Variants in COPZ1 observed in about 807,000 individuals in gnomAD.
COPZ1 encodes the protein coat protein complex I subunit zeta 1.
Under a neutral mutation model 31.7 loss-of-function variants are expected in COPZ1, and 4 were observed. The ratio of observed to expected loss-of-function variants is 0.13; its 90% confidence interval spans 0.06 to 0.29. The LOEUF is 0.29. Among genes scored for constraint, COPZ1 ranks in the 10% least tolerant of loss-of-function variants. COPZ1 has a pLI of 1.00. For synonymous variants in COPZ1, 74 were observed against 79.0 expected (o/e 0.94, Z 0.33); for missense variants, 156 against 211.5 (o/e 0.74, Z 1.63).
intron 1 of COPZ1, among the ~76,000 whole-genome samples, chr12:54,333,161 A>G (rs1252140570): frequency 1.3e-5 from 2 of 152,130 alleles, no homozygotes; most frequent in South Asian, 2.1e-4. Context: ...CTCATGCCTC[A>G]GCCTCCTGAA....
chr12:54,329,584 A>G (rs762876587), intron 1 of COPZ1, among the ~76,000 whole-genome samples: 4 of 152,134 alleles, frequency 2.6e-5, no homozygotes, highest in Non-Finnish European at 5.9e-5. Context: ...GTCTTAAAAA[A>G]CAAACAAAAC....
chr12:54,342,152 CA>C, intron 2 of COPZ1, 53 bp from the exon 3 acceptor site: 1 of 1,266,292 alleles, frequency 7.9e-7, no homozygotes, highest in Admixed American at 1.7e-5. Context: ...AGTCACTAAT[CA>C]TTCTGGCTTC....
intron 1 of COPZ1, 56 bp downstream of exon 1, chr12:54,325,237 G>T: frequency 6.5e-7 from 1 of 1,539,168 alleles, no homozygotes; most frequent in South Asian, 1.2e-5. Flanking sequence ...CCGGGAGTCA[G>T]GGTTCAGCCC....
Position 54,340,602 on chromosome 12 carries a change from G to A in COPZ1, c.74G>A (p.Arg25Gln), listed in dbSNP as rs1321757427. Residue 25 changes from arginine (R) to glutamine (Q), a missense_variant, in exon 2 of 9, where the codon CGA becomes CAA. Transcript: ENST00000262061. ...AILILDNDGD[R>Q]LFAKYYDDTY... ...CTGATTCTGGACAATGATGGAGATCGACTTTTTGCCAAGGTGAGATTCCCT... is the reference window on the plus strand; with the variant it reads ...CTGATTCTGGACAATGATGGAGATCAACTTTTTGCCAAGGTGAGATTCCCT... 7 of 1,613,776 alleles carry A rather than the reference G, an allele frequency of 4.3e-6. No homozygotes were observed. The highest frequency in any genetic ancestry group is 1.7e-4 in the Middle Eastern group (1 of 6,060).
At chr12:54,343,618 A>AT (rs371274733) in intron 4 of COPZ1, among the ~76,000 whole-genome samples, 1 of 152,142 alleles carries the variant, frequency 6.6e-6, no homozygotes, top group African/African-American at 2.4e-5. Flanking sequence ...CTGCAGGGGG[A>AT]TACTTGCTTC....
intron 1 of COPZ1, among the ~76,000 whole-genome samples, chr12:54,330,893 T>G (rs1953737970): frequency 6.6e-6 from 1 of 152,210 alleles, no homozygotes; most frequent in Non-Finnish European, 1.5e-5. Flanking sequence ...AGGGGACAGC[T>G]GATGAAGATG....
intron 1 of COPZ1, among the ~76,000 whole-genome samples, chr12:54,338,319 T>C (rs1248110423): frequency 1.3e-5 from 2 of 152,208 alleles, no homozygotes; most frequent in Admixed American, 6.5e-5. Context: ...AGGACCCAAG[T>C]TGTTATAGAA....
At chr12:54,325,224 G>T in intron 1 of COPZ1, 43 bp downstream of exon 1, 2 of 1,547,890 alleles carry the variant, frequency 1.3e-6, no homozygotes, top group Non-Finnish European at 8.7e-7. Flanking sequence ...GTGTCCACAG[G>T]GGCCGGGAGT....
At chr12:54,332,036 T>TGG (rs1953765246) in intron 1 of COPZ1, among the ~76,000 whole-genome samples, 1 of 152,034 alleles carries the variant, frequency 6.6e-6, no homozygotes, top group Non-Finnish European at 1.5e-5. Flanking sequence ...TAAAAAATCC[T>TGG]CCAGCAAGGC....
chr12:54,347,571 A>G (rs912524399), intron 5 of COPZ1, among the ~76,000 whole-genome samples, 196 bp from the exon 6 acceptor site: 3 of 152,230 alleles, frequency 2.0e-5, no homozygotes, highest in African/African-American at 4.8e-5. Context: ...ATCTCTTTCC[A>G]TACATTCCTT....
chr12:54,350,142 G>A, intron 8 of COPZ1: 1 of 652,512 alleles, frequency 1.5e-6, no homozygotes, highest in Non-Finnish European at 2.8e-6. Context: ...TACCCACTTG[G>A]AATTCTCACC....
intron 1 of COPZ1, among the ~76,000 whole-genome samples, chr12:54,326,543 C>A (rs1439557931): frequency 1.3e-5 from 2 of 149,276 alleles, no homozygotes; most frequent in Non-Finnish European, 3.0e-5. Flanking sequence ...CCATATGATG[C>A]TTTATGCTTG....
intron 1 of COPZ1, among the ~76,000 whole-genome samples, chr12:54,328,697 C>G (rs544072925): frequency 1.3e-5 from 2 of 152,344 alleles, no homozygotes; most frequent in African/African-American, 4.8e-5. Flanking sequence ...GCCTAATAGG[C>G]TGCATTCACA....
At chr12:54,325,446 G>T (rs894678278) in intron 1 of COPZ1, 10 of 488,456 alleles carry the variant, frequency 2.0e-5, no homozygotes, top group Non-Finnish European at 3.6e-5. Flanking sequence ...ACCTGTAGGC[G>T]TACTGGATTA....
chr12:54,346,985 T>G (rs1954074973), intron 5 of COPZ1, among the ~76,000 whole-genome samples: 1 of 152,192 alleles, frequency 6.6e-6, no homozygotes, highest in African/African-American at 2.4e-5. Flanking sequence ...AAGTTACTTT[T>G]CCTGAAAACA....
intron 1 of COPZ1, among the ~76,000 whole-genome samples, chr12:54,336,156 C>G (rs1448284147): frequency 2.0e-5 from 3 of 152,134 alleles, no homozygotes; most frequent in Non-Finnish European, 4.4e-5. Flanking sequence ...AAGATCTTAC[C>G]CCAAAGAGTT....
At chr12:54,327,102 T>G (rs1953669589) in intron 1 of COPZ1, among the ~76,000 whole-genome samples, 1 of 147,682 alleles carries the variant, frequency 6.8e-6, no homozygotes, top group Non-Finnish European at 1.5e-5. Flanking sequence ...TGCCTCAGCT[T>G]CCTGAGTAGC....
intron 5 of COPZ1, 106 bp from the exon 6 acceptor site, chr12:54,347,661 G>T (rs1044234624): frequency 3.3e-6 from 3 of 916,410 alleles, no homozygotes; most frequent in Admixed American, 2.9e-5. Context: ...TGTGTGGTTG[G>T]TGGAGATGTT....
intron 4 of COPZ1, 94 bp downstream of exon 4, chr12:54,343,410 G>A (rs2137106887): frequency 9.7e-7 from 1 of 1,028,872 alleles, no homozygotes; most frequent in Non-Finnish European, 1.5e-6. Context: ...ATAGAGCCGT[G>A]TTCCTCTGGC....
Sources: allele counts gnomAD v4.1 joint callset (sites outside exome capture counted in the v4.1 genomes callset), GRCh38; gene constraint gnomAD v4.1.1; transcripts MANE v1.5; gene names NCBI Gene and HGNC (gene_info 2026-07-23, HGNC 2026-07-21).